Variants in TYW1B observed in about 807,000 individuals in gnomAD.
TYW1B encodes the protein tRNA-yW synthesizing protein 1 homolog B, also known as S-adenosyl-L-methionine-dependent tRNA 4-demethylwyosine synthase TYW1B.
TYW1B carries 73 observed loss-of-function variants against 86.9 expected under a neutral mutation model. The ratio of observed to expected loss-of-function variants is 0.84; its 90% CI spans 0.70 to 1.02. The LOEUF is 1.02. Among genes scored for constraint, TYW1B ranks in the 50% least tolerant of loss-of-function variants. The probability of loss-of-function intolerance (pLI) is 0.00; values close to 1 mark genes in which losing one functional copy is unlikely to be tolerated. For synonymous variants in TYW1B, 248 were observed against 292.8 expected, an observed-to-expected ratio of 0.85 and a Z score of 1.56; for missense variants, 637 against 827.4, an observed-to-expected ratio of 0.77 and a Z score of 2.82.
At chr7:72,800,907 T>C (rs56193091) in intron 6 of TYW1B, among the ~76,000 whole-genome samples, 119,178 of 152,048 alleles carry the variant, frequency 0.78, 46,888 homozygotes, top group Middle Eastern at 0.8. Context: ...AGAGAACTGA[T>C]ATGTTTACCA....
intron 11 of TYW1B, among the ~76,000 whole-genome samples, chr7:72,658,014 G>A (rs535615776): frequency 6.3e-4 from 96 of 152,292 alleles, no homozygotes; most frequent in African/African-American, 2.1e-3. Flanking sequence ...CCAGCACTTT[G>A]GGAGGCCAAG....
chr7:72,658,188 T>C (rs1813250331), intron 11 of TYW1B, among the ~76,000 whole-genome samples: 1 of 152,044 alleles, frequency 6.6e-6, no homozygotes, highest in Non-Finnish European at 1.5e-5. Context: ...GAGGTGGAAC[T>C]TGCAGTAAGC....
intron 3 of TYW1B, among the ~76,000 whole-genome samples, chr7:72,814,212 C>T (rs1378127439): frequency 2.0e-5 from 3 of 151,978 alleles, no homozygotes; most frequent in African/African-American, 7.2e-5. Context: ...CTGGGCATAT[C>T]TGTAATCCTA....
At chr7:72,581,036 G>A (rs1416691856) in intron 13 of TYW1B, among the ~76,000 whole-genome samples, 1 of 100,240 alleles carries the variant, frequency 1.0e-5, no homozygotes, top group African/African-American at 3.9e-5. Context: ...GGATTGAGGA[G>A]GTACCAAACC....
At chr7:72,814,349 C>A (rs1554478951) in intron 3 of TYW1B, among the ~76,000 whole-genome samples, 1 of 152,062 alleles carries the variant, frequency 6.6e-6, no homozygotes, top group Non-Finnish European at 1.5e-5. Context: ...CTTTGGGAGG[C>A]CGAGGCGGGC....
chr7:72,637,737 A>T (rs1812706991), intron 11 of TYW1B, among the ~76,000 whole-genome samples: 1 of 150,054 alleles, frequency 6.7e-6, no homozygotes, highest in Non-Finnish European at 1.5e-5. Flanking sequence ...TTCTTAATAT[A>T]TGCATTTAGC....
intron 8 of TYW1B, among the ~76,000 whole-genome samples, chr7:72,742,991 C>T (rs1337579804): frequency 6.6e-6 from 1 of 152,084 alleles, no homozygotes; most frequent in Non-Finnish European, 1.5e-5. Flanking sequence ...TAGTCTGGGC[C>T]ATTAGATGGC....
At chr7:72,607,404 A>AG (rs1376968883) in intron 13 of TYW1B, among the ~76,000 whole-genome samples, 22 of 151,014 alleles carry the variant, frequency 1.5e-4, no homozygotes, top group Non-Finnish European at 1.0e-4. Context: ...AAAAAAAAAA[A>AG]AAAAAGAAAA....
chr7:72,726,954 G>C (rs2129570985), intron 9 of TYW1B, among the ~76,000 whole-genome samples: 1 of 152,228 alleles, frequency 6.6e-6, no homozygotes, highest in South Asian at 2.1e-4. Context: ...AGGGGGAAGA[G>C]CCCCTCATAA....
At chr7:72,769,510 C>A (rs1305654615) in intron 7 of TYW1B, among the ~76,000 whole-genome samples, 5 of 152,118 alleles carry the variant, frequency 3.3e-5, no homozygotes, top group African/African-American at 1.2e-4. Context: ...AATTCCTGTC[C>A]TGCACCACAG....
chr7:72,613,401 C>CTTTTTTTT (rs71517349), intron 13 of TYW1B, among the ~76,000 whole-genome samples: 41 of 80,972 alleles, frequency 5.1e-4, no homozygotes, highest in Non-Finnish European at 5.9e-4. Flanking sequence ...TTTATATCTT[C>CTTTTTTTT]TTTTTTTTTT....
rs1184086384 is a variant in TYW1B at position 72,621,324 on chromosome 7, C to A, written c.1618-4485G>T. On this transcript the variant is annotated intron_variant, in intron 12 of 13. Coordinates refer to ENST00000620995, the MANE Select transcript of TYW1B (RefSeq NM_001145440.3). ...ATTTTTTTTTCCCCACAATAAACCC[C>A]AAATACTTCATTCCTTTATCCTAAA... Among the ~76,000 whole-genome samples the A allele has an allele frequency of 2.6e-5, 4 of 152,188 alleles. No individual in the cohort carries two copies. In the East Asian group the frequency reaches 7.7e-4, roughly 29 times the overall value.
intron 9 of TYW1B, among the ~76,000 whole-genome samples, chr7:72,727,470 G>C (rs1787021448): frequency 1.3e-5 from 2 of 152,142 alleles, no homozygotes; most frequent in Admixed American, 1.3e-4. Context: ...ATGTACAGTA[G>C]TGGTTCTCAA....
intron 10 of TYW1B, among the ~76,000 whole-genome samples, chr7:72,710,273 T>A (rs1202785503): frequency 6.6e-6 from 1 of 152,168 alleles, no homozygotes; most frequent in Non-Finnish European, 1.5e-5. Context: ...TTTATGCATA[T>A]ACCCCAAACA....
intron 11 of TYW1B, among the ~76,000 whole-genome samples, chr7:72,668,719 T>A (rs1265355852): frequency 6.6e-6 from 1 of 152,164 alleles, no homozygotes; most frequent in Non-Finnish European, 1.5e-5. Context: ...GAGGTCAGAG[T>A]GGAGGGAAAG....
At chr7:72,703,026 A>ATATATATT (rs1563064838) in intron 10 of TYW1B, among the ~76,000 whole-genome samples, 3 of 35,206 alleles carry the variant, frequency 8.5e-5, no homozygotes, top group South Asian at 2.3e-3. Flanking sequence ...ATATATATAT[A>ATATATATT]TTTTTTTTTT....
At chr7:72,668,153 A>G (rs1813511967) in intron 11 of TYW1B, among the ~76,000 whole-genome samples, 1 of 152,248 alleles carries the variant, frequency 6.6e-6, no homozygotes, top group Admixed American at 6.5e-5. Context: ...TTAAACTTTT[A>G]AAGATAAAAT....
intron 6 of TYW1B, among the ~76,000 whole-genome samples, chr7:72,796,505 G>C (rs1788307506): frequency 6.6e-6 from 1 of 151,142 alleles, no homozygotes; most frequent in Non-Finnish European, 1.5e-5. Context: ...CAAAGTGCTG[G>C]GATTACAGGC....
intron 8 of TYW1B, among the ~76,000 whole-genome samples, chr7:72,731,899 C>T (rs1787119327): frequency 6.6e-6 from 1 of 152,054 alleles, no homozygotes; most frequent in Non-Finnish European, 1.5e-5. Flanking sequence ...GAGATTGTGC[C>T]ACTGCACTCC....
Sources: allele counts gnomAD v4.1 joint callset (sites outside exome capture counted in the v4.1 genomes callset), GRCh38; gene constraint gnomAD v4.1.1; transcripts MANE v1.5; gene names NCBI Gene and HGNC (gene_info 2026-07-23, HGNC 2026-07-21).